Variants in UGGT2 observed in about 807,000 individuals in gnomAD.
UGGT2 encodes the protein UDP-glucose glycoprotein glucosyltransferase 2.
A neutral mutation model predicts 192.1 loss-of-function variants in UGGT2; 180 were observed. That is an observed-to-expected ratio of 0.94 (90% CI 0.83 to 1.06). UGGT2 has a LOEUF of 1.06. Ranked by LOEUF, UGGT2 falls within the 50% of genes least tolerant of loss-of-function variation. UGGT2 has a pLI of 0.00. For synonymous variants in UGGT2, 580 were observed against 591.0 expected, an observed-to-expected ratio of 0.98 and a Z score of 0.27; for missense variants, 1,849 against 1,795.7, an observed-to-expected ratio of 1.03 and a Z score of -0.54.
At chr13:95,890,999 G>A in intron 24 of UGGT2, 35 bp from the exon 25 acceptor site, 1 of 1,468,128 alleles carries the variant, frequency 6.8e-7, no homozygotes. Context: ...AAGATGACGT[G>A]TTAAGTTTAT....
chr13:95,888,008 A>T, intron 25 of UGGT2, 37 bp from the exon 26 acceptor site: 1 of 1,345,662 alleles, frequency 7.4e-7, no homozygotes, highest in Non-Finnish European at 1.0e-6. Context: ...ATATTAAATA[A>T]TATTAATAGC....
chr13:95,884,695 T>C lies in UGGT2; in HGVS notation c.3039-15A>G, dbSNP rs745735679. 3.8e-6 allele frequency: 6 copies of C among 1,586,252 alleles called. No homozygotes were observed. The highest frequency in any genetic ancestry group is 1.9e-5 in the Admixed American group (1 of 53,272). On this transcript the variant is annotated splice_polypyrimidine_tract_variant and intron_variant, in intron 26 of 38. Transcript: ENST00000376747. ...AACGGTAAAAGCTGTTAATAAAACA[T>C]AAAAATACATAATGTGACCAAAACT...
At chr13:95,884,077 A>AAAG (rs1407034580) in intron 27 of UGGT2, among the ~76,000 whole-genome samples, 6 of 148,050 alleles carry the variant, frequency 4.1e-5, no homozygotes, top group Non-Finnish European at 6.0e-5. Context: ...AAAAAAAAAA[A>AAAG]AAAAAAAAAC....
At chr13:96,015,151 G>A (rs1447631416) in intron 4 of UGGT2, among the ~76,000 whole-genome samples, 5 of 151,804 alleles carry the variant, frequency 3.3e-5, no homozygotes, top group African/African-American at 1.2e-4. Context: ...GGTGGCAGAC[G>A]CCTGTAGTCC....
chr13:96,011,197 A>T (rs954501045), intron 5 of UGGT2, among the ~76,000 whole-genome samples: 1 of 152,168 alleles, frequency 6.6e-6, no homozygotes, highest in African/African-American at 2.4e-5. Context: ...GTTTTTAGAT[A>T]TAATACAAAA....
chr13:96,023,515 G>A, intron 3 of UGGT2, 114 bp downstream of exon 3: 2 of 1,111,746 alleles, frequency 1.8e-6, no homozygotes, highest in Non-Finnish European at 2.4e-6. Context: ...ATAGGCTATG[G>A]AACCAACTAT....
chr13:95,927,417 T>A, intron 17 of UGGT2, 81 bp from the exon 18 acceptor site: 1 of 1,122,896 alleles, frequency 8.9e-7, no homozygotes, highest in East Asian at 2.6e-5. Flanking sequence ...ACACAAAGAT[T>A]ACTTAATCAA....
chr13:96,028,411 A>T (rs1233641906), intron 2 of UGGT2, among the ~76,000 whole-genome samples: 2 of 152,214 alleles, frequency 1.3e-5, no homozygotes, highest in Non-Finnish European at 2.9e-5. Context: ...TGAAAATGAC[A>T]TTCTTATATG....
At chr13:95,828,546 G>A (rs1262471928) in intron 38 of UGGT2, among the ~76,000 whole-genome samples, 2 of 152,220 alleles carry the variant, frequency 1.3e-5, no homozygotes, top group South Asian at 2.1e-4. Flanking sequence ...ACAACTCTAC[G>A]CAAATAAACT....
At chr13:95,889,589 C>A (rs1330556) in intron 25 of UGGT2, among the ~76,000 whole-genome samples, 128,844 of 152,190 alleles carry the variant, frequency 0.85, 54,741 homozygotes, top group East Asian at 0.93. Context: ...ATATCAGTAG[C>A]AAAACATACA....
intron 16 of UGGT2, 152 bp downstream of exon 16, chr13:95,939,805 C>A: frequency 1.8e-6 from 1 of 561,666 alleles, no homozygotes; most frequent in Non-Finnish European, 2.9e-6. Context: ...CCAATATCTC[C>A]CCAATTCTGC....
intron 10 of UGGT2, among the ~76,000 whole-genome samples, chr13:95,981,665 T>C (rs146723019): frequency 6.6e-6 from 1 of 152,288 alleles, no homozygotes; most frequent in East Asian, 1.9e-4. Context: ...AACATTTTGT[T>C]TACATGTTTT....
intron 17 of UGGT2, among the ~76,000 whole-genome samples, chr13:95,931,349 C>G: frequency 6.6e-6 from 1 of 152,224 alleles, no homozygotes; most frequent in East Asian, 1.9e-4. Context: ...CAAGTCCCCA[C>G]TAGACTCTGG....
intron 24 of UGGT2, among the ~76,000 whole-genome samples, chr13:95,894,062 C>A (rs1470518124): frequency 6.6e-6 from 1 of 152,152 alleles, no homozygotes; most frequent in Non-Finnish European, 1.5e-5. Context: ...TGCTGCTGAT[C>A]TGCTGATTCA....
At chr13:96,000,326 C>A (rs951837521) in intron 5 of UGGT2, among the ~76,000 whole-genome samples, 2 of 152,132 alleles carry the variant, frequency 1.3e-5, no homozygotes, top group Non-Finnish European at 2.9e-5. Flanking sequence ...TTCTACCAAG[C>A]CTTATTGATA....
In UGGT2 at chr13:96,039,666, T is replaced by C. The variant is rs1029331028; in HGVS notation, c.159-7695A>G. 4.6e-5 allele frequency among the ~76,000 whole-genome samples: 7 copies of C among 152,230 alleles called. No homozygotes were observed. The East Asian group carries it at 1.3e-3, about 29-fold the overall frequency. ...TTTTTAAATTTATCTCTTTCTTCTC[T>C]CATTTTAATATAGGCAGCGAGGAGA... is the stretch of plus-strand genomic sequence containing the variant. On this transcript the variant is annotated intron_variant, in intron 1 of 38. Transcript: ENST00000376747.
intron 34 of UGGT2, among the ~76,000 whole-genome samples, chr13:95,855,425 C>A: frequency 6.7e-6 from 1 of 149,050 alleles, no homozygotes. Context: ...GATGCAAAAG[C>A]AATGCAAGGA....
chr13:96,018,051 C>T lies in UGGT2; in HGVS notation c.486-4570G>A, dbSNP rs1253785830. Among the ~76,000 whole-genome samples, 4 of 152,128 alleles carry T rather than the reference C, an allele frequency of 2.6e-5. No individual in the cohort carries two copies. In the East Asian group the frequency reaches 7.7e-4, roughly 29 times the overall value. Reference sequence around the variant, plus strand: ...GAGTAAAGTCTACTAACTATAAAACCTATGCTGTTCAACTTAGAATCATAA... The same window carrying T: ...GAGTAAAGTCTACTAACTATAAAACTTATGCTGTTCAACTTAGAATCATAA... On this transcript the variant is annotated intron_variant, in intron 4 of 38. Coordinates refer to ENST00000376747, the MANE Select transcript of UGGT2 (RefSeq NM_020121.4).
intron 37 of UGGT2, 117 bp from the exon 38 acceptor site, chr13:95,833,170 A>T: frequency 8.7e-7 from 1 of 1,147,380 alleles, no homozygotes; most frequent in Non-Finnish European, 1.2e-6. Context: ...CCTACTAAGT[A>T]CTGGAAGTTT....
Sources: gnomAD v4.1 joint callset for allele counts (sites outside exome capture counted in the v4.1 genomes callset) on GRCh38, gnomAD v4.1.1 for gene constraint, MANE v1.5 for transcripts, NCBI Gene and HGNC (gene_info 2026-07-23, HGNC 2026-07-21) for gene names.